TMPRSS11B: variants seen among roughly 807,000 people sequenced by gnomAD.
TMPRSS11B encodes the protein transmembrane serine protease 11B, also known as transmembrane protease serine 11B.
A neutral mutation model predicts 44.7 loss-of-function variants in TMPRSS11B; 53 were observed. The observed-to-expected ratio is 1.19, with a 90% CI of 0.95 to 1.49. The LOEUF is 1.49. TMPRSS11B is among the 40% of genes most tolerant of loss of function. The pLI is 0.00. For synonymous variants in TMPRSS11B, 140 were observed against 159.2 expected, an observed-to-expected ratio of 0.88 and a Z score of 0.91; for missense variants, 526 against 494.8, an observed-to-expected ratio of 1.06 and a Z score of -0.60.
At chr4:68,242,329 T>TATAA (rs1461152098) in intron 1 of TMPRSS11B, among the ~76,000 whole-genome samples, 1 of 9,064 alleles carries the variant, frequency 1.1e-4, no homozygotes, top group African/African-American at 2.7e-4. Flanking sequence ...ATATATAATA[T>TATAA]TATATTATAT....
At chr4:68,235,816 T>C (rs535355591) in intron 4 of TMPRSS11B, among the ~76,000 whole-genome samples, 186 bp downstream of exon 4, 70 of 152,276 alleles carry the variant, frequency 4.6e-4, no homozygotes, top group African/African-American at 1.5e-3. Flanking sequence ...CTTTCATTCA[T>C]GGAGAACTTG....
intron 1 of TMPRSS11B, among the ~76,000 whole-genome samples, chr4:68,242,662 C>A (rs10021670): frequency 0.02 from 3,047 of 151,240 alleles, 100 homozygotes; most frequent in African/African-American, 0.07. Flanking sequence ...CTCTGCCCCA[C>A]TGGGCTCAAC....
chr4:68,243,476 A>AGT (rs1719916929), intron 1 of TMPRSS11B, among the ~76,000 whole-genome samples: 1 of 152,062 alleles, frequency 6.6e-6, no homozygotes, highest in South Asian at 2.1e-4. Context: ...CTTGTTAATT[A>AGT]GTGTTTCGCA....
chr4:68,232,135 T>C, intron 6 of TMPRSS11B: 1 of 288,194 alleles, frequency 3.5e-6, no homozygotes, highest in Non-Finnish European at 6.4e-6. Context: ...TATTTTTCAC[T>C]CACAGTTTTA....
chr4:68,232,305 AT>A, intron 6 of TMPRSS11B, 72 bp downstream of exon 6: 1 of 1,426,556 alleles, frequency 7.0e-7, no homozygotes, highest in African/African-American at 1.4e-5. Context: ...TATTTCAAGT[AT>A]TTTTAATAGA....
intron 9 of TMPRSS11B, 26 bp downstream of exon 9, chr4:68,228,716 C>A (rs1719421435): frequency 4.5e-6 from 7 of 1,570,786 alleles, no homozygotes; most frequent in African/African-American, 2.8e-5. Flanking sequence ...TGGGAGAAAA[C>A]AACTGGATAA....
At position 68,227,275 on chromosome 4, in the gene TMPRSS11B, A is replaced by G. The variant is rs1367161172; in HGVS notation, c.*636T>C. 1.3e-5 allele frequency: 2 copies of G among 152,200 alleles called. No individual in the cohort carries two copies. The highest frequency in any genetic ancestry group is 2.4e-5 in the African/African-American group (1 of 41,458). 9.4% of individuals were successfully genotyped at this position (152,200 alleles called of 1,614,324 possible). A position where few individuals can be genotyped will look rare whatever the true frequency, so the allele number is the denominator to read the frequency against. On this transcript the variant is annotated 3_prime_UTR_variant, in exon 10 of 10. Coordinates refer to ENST00000332644, the MANE Select transcript of TMPRSS11B (RefSeq NM_182502.3). ...CCCCTATATATGTTCTCATAGTTTC[A>G]AAATTTATATTTTATTTTCTTTTGA...
intron 8 of TMPRSS11B, 127 bp from the exon 9 acceptor site, chr4:68,229,011 C>A: frequency 9.4e-7 from 1 of 1,063,982 alleles, no homozygotes; most frequent in Non-Finnish European, 1.3e-6. Flanking sequence ...TTAGATTAGT[C>A]TCTTTCAGGT....
At position 68,231,184 on chromosome 4, in the gene TMPRSS11B, G is replaced by A. The variant is rs1719502888; in HGVS notation, c.686+19C>T. 1 of 1,590,498 alleles carries A rather than the reference G, an allele frequency of 6.3e-7. No homozygotes were observed. The highest frequency in any genetic ancestry group is 8.6e-7 in the Non-Finnish European group (1 of 1,167,804). ...TTTTGCACCTAGCATCCTTCATTTA[G>A]TCAAATTTTCAAACTTACTTAGCAA... is the stretch of plus-strand genomic sequence containing the variant. On this transcript the variant is annotated intron_variant, in intron 7 of 9. Transcript: ENST00000332644.
chr4:68,231,281 T>C lies in TMPRSS11B; in HGVS notation c.608A>G (p.Gln203Arg). Residue 203 changes from glutamine to arginine, a missense_variant, in exon 7 of 10, where the codon CAA (glutamine) becomes CGA (arginine). Gln to Arg is a conservative substitution (Grantham distance 43). Transcript: ENST00000332644. ...EGAWPWQASM[Q>R]WKGRHYCGAS... ...TCCACAGTAGTGACGGCCTTTCCAT[T>C]GCATGCTGGCCTGCCATGGCCATGC... 2 of 1,613,946 alleles carry C rather than the reference T, an allele frequency of 1.2e-6. No homozygotes were observed. The highest frequency in any genetic ancestry group is 3.4e-4 in the Middle Eastern group (2 of 5,930).
In TMPRSS11B at chr4:68,229,449, T is replaced by C; in HGVS notation, c.754A>G (p.Lys252Glu). ...IVVNKPYMTRKVQNIIFHENY... is the reference protein window; with the variant it reads ...IVVNKPYMTREVQNIIFHENY... ...TCATGAAAAATAATGTTTTGGACTT[T>C]CCGTGTCATATATGGTTTATTTACT... The change falls in exon 8 of 10, where the codon AAA (lysine) becomes GAA (glutamate). Residue 252 changes from lysine (K) to glutamate (E), a missense_variant. By Grantham distance (56) the Lys-to-Glu change is moderately conservative. Coordinates refer to ENST00000332644, the MANE Select transcript of TMPRSS11B (RefSeq NM_182502.3). 1 of 1,613,888 alleles carries C rather than the reference T, an allele frequency of 6.2e-7. No individual in the cohort carries two copies.
intron 2 of TMPRSS11B, among the ~76,000 whole-genome samples, chr4:68,236,561 T>G: frequency 6.6e-6 from 1 of 152,088 alleles, no homozygotes; most frequent in Non-Finnish European, 1.5e-5. Flanking sequence ...AAATGGCAAC[T>G]CCATATCATT....
Position 68,227,992 on chromosome 4 carries a change from T to C in TMPRSS11B, c.1170A>G (p.Gly390=). Residue 390 remains glycine (G), a synonymous_variant, in exon 10 of 10, where the codon GGA becomes GGG. Coordinates refer to ENST00000332644, the MANE Select transcript of TMPRSS11B (RefSeq NM_182502.3). ...HLVGIVSWGD[G]CGKKNKPGVY... ...CACCTGGCTTATTCTTTTTACCACA[T>C]CCATCACCCCAGCTTACTATTCCAA... 6.2e-7 allele frequency: 1 copy of C among 1,613,942 alleles called. No homozygotes were observed. The highest frequency in any genetic ancestry group is 1.7e-4 in the Middle Eastern group (1 of 6,060).
Position 68,229,276 on chromosome 4 carries a change from C to A in TMPRSS11B, c.927G>T (p.Trp309Cys). The change falls in exon 8 of 10, where the codon TGG (tryptophan) becomes TGT (cysteine). Residue 309 changes from tryptophan to cysteine, a missense_variant. By Grantham distance (215) the Trp-to-Cys change is radical (BLOSUM62 -2). Coordinates refer to ENST00000332644, the MANE Select transcript of TMPRSS11B (RefSeq NM_182502.3). ...ACTTACCATTCATATAAAGTGTTCC[C>A]CAACCTGTAACTACAACATTGTCAT... ...SENDNVVVTGWGTLYMNGSFP... is the reference protein window; with the variant it reads ...SENDNVVVTGCGTLYMNGSFP... 1 of 1,608,046 alleles carries A rather than the reference C, an allele frequency of 6.2e-7. No individual in the cohort carries two copies. Among genetic ancestry groups the A allele is most frequent in the South Asian group, 1.1e-5 (1 of 89,990 alleles).
chr4:68,242,229 ATTATATATAT>A (rs1163708985), intron 1 of TMPRSS11B, among the ~76,000 whole-genome samples: 9 of 74,792 alleles, frequency 1.2e-4, no homozygotes, highest in East Asian at 6.5e-4. Context: ...ATTATATTAT[ATTATATATAT>A]TATATTATAT....
chr4:68,234,678 G>A (rs13151732), intron 4 of TMPRSS11B, 55 bp from the exon 5 acceptor site: 285,580 of 1,562,728 alleles, frequency 0.18, 28,235 homozygotes, highest in Admixed American at 0.36. Context: ...TAGAGGTTTT[G>A]TGAACACATT....
rs909256781 is a variant in TMPRSS11B, at chr4:68,226,832, A to G, written c.*1079T>C. The G allele has an allele frequency of 1.3e-5, 2 of 152,192 alleles. No individual in the cohort carries two copies. The highest frequency in any genetic ancestry group is 4.8e-5 in the African/African-American group (2 of 41,446). 9.4% of individuals were successfully genotyped at this position (152,192 alleles called of 1,614,324 possible). A position where few individuals can be genotyped will look rare whatever the true frequency, so the allele number is the denominator to read the frequency against. ...TCTCTGCCCTTGATGACCTCATATT[A>G]TTTTTGCTGCAAGAGAAAGCAAACA... On this transcript the variant is annotated 3_prime_UTR_variant, in exon 10 of 10. Coordinates refer to ENST00000332644, the MANE Select transcript of TMPRSS11B (RefSeq NM_182502.3).
intron 6 of TMPRSS11B, 73 bp downstream of exon 6, chr4:68,232,305 A>G (rs1319476627): frequency 2.1e-6 from 3 of 1,426,438 alleles, no homozygotes; most frequent in Non-Finnish European, 2.9e-6. Flanking sequence ...TATTTCAAGT[A>G]TTTTTAATAG....
At chr4:68,232,714 G>GT (rs199750546) in intron 5 of TMPRSS11B, among the ~76,000 whole-genome samples, 1 of 151,936 alleles carries the variant, frequency 6.6e-6, no homozygotes, top group Non-Finnish European at 1.5e-5. Flanking sequence ...CTTACAAATT[G>GT]TTTTTTTATT....
Sources: allele counts gnomAD v4.1 joint callset (sites outside exome capture counted in the v4.1 genomes callset), GRCh38; gene constraint gnomAD v4.1.1; transcripts MANE v1.5; gene names NCBI Gene and HGNC (gene_info 2026-07-23, HGNC 2026-07-21).